The following GCSAML variants were observed in gnomAD, a reference collection of about 807,000 sequenced individuals.
The protein encoded by GCSAML is germinal center associated signaling and motility like.
A neutral mutation model predicts 13.0 loss-of-function variants in GCSAML; 9 were observed. That is an observed-to-expected ratio of 0.69 (90% CI 0.42 to 1.21). The LOEUF (loss-of-function observed/expected upper bound fraction) is 1.21, where lower values mean the gene tolerates loss of function less well. Ranked by LOEUF, GCSAML falls within the 50% of genes most tolerant of loss-of-function variation. The pLI is 0.00. For missense variants in GCSAML, 143 were observed against 153.4 expected, an observed-to-expected ratio of 0.93 and a Z score of 0.36; for synonymous variants, 37 against 52.9, an observed-to-expected ratio of 0.70 and a Z score of 1.31.
chr1:247,520,470 T>C (rs892752154), intron 1 of GCSAML, among the ~76,000 whole-genome samples: 2 of 152,208 alleles, frequency 1.3e-5, no homozygotes, highest in Non-Finnish European at 2.9e-5. Context: ...AGAGTTCTGA[T>C]TTGCCAACCC....
At chr1:247,570,624 C>A (rs1668567383) in intron 4 of GCSAML, among the ~76,000 whole-genome samples, 2 of 152,044 alleles carry the variant, frequency 1.3e-5, no homozygotes, top group Admixed American at 1.3e-4. Flanking sequence ...TGTTTTACTT[C>A]CAAATATGTG....
At chr1:247,562,825 AT>A (rs3838410) in intron 2 of GCSAML, among the ~76,000 whole-genome samples, 25,893 of 149,774 alleles carry the variant, frequency 0.17, 2,860 homozygotes, top group East Asian at 0.34. Context: ...GCCCACACTT[AT>A]TTTTTTTTTA....
intron 2 of GCSAML, among the ~76,000 whole-genome samples, chr1:247,540,184 A>G (rs1353407224): frequency 1.3e-5 from 2 of 152,100 alleles, no homozygotes; most frequent in Non-Finnish European, 2.9e-5. Context: ...GGCATGTGCT[A>G]CCACGCCTGG....
chr1:247,525,452 G>A (rs1049872465), intron 1 of GCSAML: 1 of 152,208 alleles, frequency 6.6e-6, no homozygotes, highest in African/African-American at 2.4e-5. Context: ...CCCCTTCTTG[G>A]GTTCAATTAA....
chr1:247,548,937 CGTGT>C (rs1362522002), upstream of GCSAML: 1 of 720,580 alleles, frequency 1.4e-6, no homozygotes, highest in Non-Finnish European at 2.1e-6. The surrounding 1 kb of genome is among the most constrained non-coding windows in gnomAD (Gnocchi z 5.3). Context: ...TATGCCCACG[CGTGT>C]GTGTATGAGT....
Position 247,530,149 on chromosome 1 carries a change from C to G in GCSAML, c.-148+3095C>G, listed in dbSNP as rs533385883. ...GATCCTAGTACGAAAGGAAAGACTA[C>G]TTTAATGACTACTTTCATATTATAT... is the stretch of plus-strand genomic sequence containing the variant. On this transcript the variant is annotated intron_variant, in intron 2 of 5. Coordinates refer to the GCSAML transcript ENST00000366489. The G allele has an allele frequency of 2.0e-5, 3 of 152,180 alleles. No homozygotes were observed. In the East Asian group the frequency reaches 5.8e-4, roughly 29 times the overall value. The allele number at this position is 152,180 out of a possible 1,614,324, so 9.4% of individuals were successfully genotyped here.
At chr1:247,523,997 TACACAC>T (rs34257635) in intron 1 of GCSAML, among the ~76,000 whole-genome samples, 1,975 of 147,846 alleles carry the variant, frequency 0.013, 41 homozygotes, top group African/African-American at 0.044. Flanking sequence ...ACATCTGTCT[TACACAC>T]ACACACACAC....
At chr1:247,522,780 G>A (rs1483298879) in intron 1 of GCSAML, among the ~76,000 whole-genome samples, 1 of 152,174 alleles carries the variant, frequency 6.6e-6, no homozygotes, top group East Asian at 1.9e-4. Context: ...CACTGCGGAA[G>A]GCCGCAGGGC....
chr1:247,556,348 G>C (rs1274079108), intron 1 of GCSAML, 59 bp from the exon 2 acceptor site: 5 of 1,198,490 alleles, frequency 4.2e-6, no homozygotes, highest in East Asian at 2.3e-5. Flanking sequence ...TAGAGAAGAA[G>C]GTGAAAAAAT....
chr1:247,558,520 A>C (rs1668025812), intron 2 of GCSAML, among the ~76,000 whole-genome samples: 1 of 151,174 alleles, frequency 6.6e-6, no homozygotes, highest in Non-Finnish European at 1.5e-5. Flanking sequence ...TATTTCCACC[A>C]CCCTCCCTTT....
At chr1:247,547,187 C>A (rs1264308908), upstream of GCSAML, among the ~76,000 whole-genome samples, 1 of 152,082 alleles carries the variant, frequency 6.6e-6, no homozygotes, top group Non-Finnish European at 1.5e-5. Context: ...TTTATTTTTT[C>A]TTATTTGTAC....
intron 1 of GCSAML, among the ~76,000 whole-genome samples, chr1:247,555,063 AC>A (rs1667905183): frequency 1.3e-5 from 2 of 152,176 alleles, no homozygotes. Flanking sequence ...AACACTTTTT[AC>A]TTTATTCACA....
At chr1:247,544,586 C>T (rs777453560), upstream of GCSAML, among the ~76,000 whole-genome samples, 7 of 152,136 alleles carry the variant, frequency 4.6e-5, no homozygotes, top group Non-Finnish European at 1.0e-4. Flanking sequence ...CACGTATAAT[C>T]CCAGCACTTT....
chr1:247,520,372 G>C (rs1259266691), intron 1 of GCSAML, among the ~76,000 whole-genome samples: 1 of 152,192 alleles, frequency 6.6e-6, no homozygotes, highest in East Asian at 1.9e-4. Context: ...AACAGACTCA[G>C]GTCCTACAAG....
intron 1 of GCSAML, among the ~76,000 whole-genome samples, chr1:247,516,553 G>GTTT (rs10710175): frequency 7.4e-6 from 1 of 135,990 alleles, no homozygotes; most frequent in African/African-American, 2.8e-5. Flanking sequence ...CATGTTGACT[G>GTTT]TTTTTTTTTT....
chr1:247,576,129 T>A lies in GCSAML; in HGVS notation c.*1747T>A, dbSNP rs1433106881. 4 of 152,232 alleles carry A rather than the reference T, an allele frequency of 2.6e-5. No homozygotes were observed. The highest frequency in any genetic ancestry group is 2.6e-4 in the Admixed American group (4 of 15,286). 9.4% of individuals were successfully genotyped at this position (152,232 alleles called of 1,614,324 possible). A position where few individuals can be genotyped will look rare whatever the true frequency, so the allele number is the denominator to read the frequency against. ...TCACTTATGTTTGATATACACCTTA[T>A]CTGAATAGCCTGAAGGTAATTTTAT... On this transcript the variant is annotated 3_prime_UTR_variant, in exon 5 of 5. Coordinates refer to ENST00000366488, the MANE Select transcript of GCSAML (RefSeq NM_145278.5).
At chr1:247,545,681 G>A (rs948008768), upstream of GCSAML, among the ~76,000 whole-genome samples, 4 of 152,106 alleles carry the variant, frequency 2.6e-5, no homozygotes, top group African/African-American at 9.7e-5. Flanking sequence ...TGTCTTCTTT[G>A]GAGAGGTGTC....
At position 247,534,748 on chromosome 1, in the gene GCSAML, C is replaced by T. The variant is rs554290425; in HGVS notation, c.-148+7694C>T. Among the ~76,000 whole-genome samples, 229 of 152,280 alleles carry T rather than the reference C, an allele frequency of 1.5e-3. 3 individuals are homozygous for T. The highest frequency in any genetic ancestry group is 3.1e-3 in the Admixed American group (48 of 15,296). Reference sequence around the variant, plus strand: ...CCCAGAGAGTAGAATTTACCTATCCCTGTAACTGGAAGTCAATTAAACAAA... The same window carrying T: ...CCCAGAGAGTAGAATTTACCTATCCTTGTAACTGGAAGTCAATTAAACAAA... On this transcript the variant is annotated intron_variant, in intron 2 of 5. Coordinates refer to the GCSAML transcript ENST00000366489.
chr1:247,513,006 A>G (rs999302290), intron 1 of GCSAML, among the ~76,000 whole-genome samples: 1 of 152,164 alleles, frequency 6.6e-6, no homozygotes, highest in Non-Finnish European at 1.5e-5. Flanking sequence ...CCACTTGAGG[A>G]GGCAGTCTGT....
Sources: allele counts gnomAD v4.1 joint callset (sites outside exome capture counted in the v4.1 genomes callset), GRCh38; gene constraint gnomAD v4.1.1; non-coding constraint Gnocchi (gnomAD v3.1); transcripts MANE v1.5; gene names NCBI Gene and HGNC (gene_info 2026-07-23, HGNC 2026-07-21).